Variants in EML4 observed in about 807,000 individuals in gnomAD.
The protein encoded by EML4 is EMAP like 4.
A neutral mutation model predicts 129.0 loss-of-function variants in EML4; 72 were observed. The observed-to-expected ratio is 0.56, with a 90% CI of 0.46 to 0.68. EML4 has a LOEUF of 0.68. Among genes scored for constraint, EML4 ranks in the 30% least tolerant of loss-of-function variants. EML4 has a pLI of 0.00. For missense variants in EML4, 1,363 were observed against 1,190.6 expected, an observed-to-expected ratio of 1.14 and a Z score of -2.13; for synonymous variants, 532 against 405.0, an observed-to-expected ratio of 1.31 and a Z score of -3.77.
chr2:42,268,488 G>C (rs1279702867), intron 6 of EML4, among the ~76,000 whole-genome samples: 1 of 151,934 alleles, frequency 6.6e-6, no homozygotes, highest in African/African-American at 2.4e-5. Flanking sequence ...ACCGAGGCTG[G>C]AGTTCAGTGC....
Position 42,239,770 on chromosome 2 carries a change from C to T in EML4, c.26-5735C>T, listed in dbSNP as rs562248616. On this transcript the variant is annotated intron_variant, in intron 1 of 22. Coordinates refer to ENST00000318522, the MANE Select transcript of EML4 (RefSeq NM_019063.5). ...TACTCCTACTCTATAATAAAGGCGG[C>T]GGGGGGTGGGGTGTAAGGAAAATGA... Among the ~76,000 whole-genome samples, 127 of 28,228 alleles carry T rather than the reference C, an allele frequency of 4.5e-3. 1 individual carries two copies. Among genetic ancestry groups the T allele is most frequent in the African/African-American group, 0.017 (122 of 7,094 alleles). 18.5% of individuals were successfully genotyped at this position (28,228 alleles called of 152,430 possible).
At chr2:42,243,081 A>G (rs1461510709) in intron 1 of EML4, among the ~76,000 whole-genome samples, 2 of 152,096 alleles carry the variant, frequency 1.3e-5, no homozygotes, top group East Asian at 1.9e-4. Flanking sequence ...TCCAGCTGAA[A>G]TTTCTAGTAG....
intron 6 of EML4, among the ~76,000 whole-genome samples, chr2:42,274,633 A>C (rs948410456): frequency 6.6e-6 from 1 of 152,190 alleles, no homozygotes; most frequent in Non-Finnish European, 1.5e-5. Flanking sequence ...TACTTTAAAA[A>C]CCATTATTTA....
intron 1 of EML4, among the ~76,000 whole-genome samples, chr2:42,229,414 G>A (rs921258944): frequency 3.9e-5 from 6 of 152,138 alleles, no homozygotes; most frequent in African/African-American, 1.4e-4. Flanking sequence ...GTGCTCTTAA[G>A]CACCATATGC....
In EML4 at chr2:42,330,052, G is replaced by A. The variant is rs1433049809; in HGVS notation, c.2791G>A (p.Val931Met). 3.1e-6 allele frequency: 5 copies of A among 1,613,328 alleles called. No individual in the cohort carries two copies. The highest frequency in any genetic ancestry group is 3.4e-6 in the Non-Finnish European group (4 of 1,179,940). The change falls in exon 23 of 23, where the codon GTG becomes ATG. Residue 931 changes from valine (V) to methionine (M), a missense_variant. Val to Met is a conservative substitution (Grantham distance 21). Coordinates refer to ENST00000318522, the MANE Select transcript of EML4 (RefSeq NM_019063.5). ...TCTGGAGAACAGCCTGGAACAAACT[G>A]TGGAGCCAAGTGAAGACCACAGCGA... ...TLLENSLEQT[V>M]EPSEDHSEEE...
In EML4 at chr2:42,317,569, T is replaced by C. The variant is rs903914702; in HGVS notation, c.2154+45T>C. The C allele has an allele frequency of 2.1e-6, 3 of 1,410,592 alleles. No homozygotes were observed. The Admixed American group carries it at 5.9e-5, about 28-fold the overall frequency. The allele number at this position is 1,410,592 out of a possible 1,614,324, so 87.4% of individuals were successfully genotyped here. ...AAGTTGTAAAATTATTGGGAAATTTTACTTCCGTTAAAAACAAATTTTTAC... is the reference window on the plus strand; with the variant it reads ...AAGTTGTAAAATTATTGGGAAATTTCACTTCCGTTAAAAACAAATTTTTAC... On this transcript the variant is annotated intron_variant, in intron 19 of 22. Transcript: ENST00000318522.
rs185671284 is a variant in EML4 at position 42,216,298 on chromosome 2, A to G, written c.26-29207A>G. On this transcript the variant is annotated intron_variant, in intron 1 of 22. Transcript: ENST00000318522. ...TGCTCTGTCACCCAGGCTGGAGTGC[A>G]GTGGCGCGATCTTGGCTCACTGCAA... Among the ~76,000 whole-genome samples, 353 of 118,206 alleles carry G rather than the reference A, an allele frequency of 3.0e-3. 2 individuals are homozygous for G. The highest frequency in any genetic ancestry group is 1.0e-2 in the African/African-American group (295 of 29,618). The allele number at this position is 118,206 out of a possible 152,430, so 77.5% of individuals were successfully genotyped here.
intron 1 of EML4, among the ~76,000 whole-genome samples, chr2:42,180,903 C>T (rs915224821): frequency 6.6e-6 from 1 of 152,150 alleles, no homozygotes; most frequent in African/African-American, 2.4e-5. Flanking sequence ...GTTTTGTCAC[C>T]TTGACACTTT....
intron 1 of EML4, among the ~76,000 whole-genome samples, chr2:42,224,947 C>T (rs1268980604): frequency 6.6e-6 from 1 of 152,034 alleles, no homozygotes; most frequent in Admixed American, 6.5e-5. Context: ...CCTCTATTCT[C>T]TCTTCTGTTT....
chr2:42,278,298 T>C (rs1464478244), intron 6 of EML4, among the ~76,000 whole-genome samples: 1 of 152,080 alleles, frequency 6.6e-6, no homozygotes, highest in Non-Finnish European at 1.5e-5. Context: ...TGCGGCCGCA[T>C]GCGGTGGCTC....
intron 1 of EML4, chr2:42,170,098 T>C (rs1329780926): frequency 6.4e-6 from 1 of 155,330 alleles, no homozygotes; most frequent in Non-Finnish European, 1.4e-5. Context: ...AGGCTCCTTT[T>C]TAGGGGAGGG....
chr2:42,290,319 G>A (rs900441398), intron 11 of EML4, among the ~76,000 whole-genome samples: 18 of 152,048 alleles, frequency 1.2e-4, no homozygotes, highest in Non-Finnish European at 2.5e-4. Flanking sequence ...GATTTGGGGA[G>A]TTGATATATA....
chr2:42,276,216 C>T (rs35100043), intron 6 of EML4, among the ~76,000 whole-genome samples: 34,539 of 151,960 alleles, frequency 0.23, 4,752 homozygotes, highest in East Asian at 0.56. Context: ...TATGATGTTT[C>T]CCCTTTTTTG....
At chr2:42,304,662 A>G (rs1668492139) in intron 17 of EML4, 111 bp downstream of exon 17, 3 of 826,264 alleles carry the variant, frequency 3.6e-6, no homozygotes, top group African/African-American at 3.4e-5. Flanking sequence ...GCACACTAAT[A>G]TGCTTGTTGT....
chr2:42,307,144 A>G (rs191277644), intron 17 of EML4, among the ~76,000 whole-genome samples: 224 of 152,346 alleles, frequency 1.5e-3, no homozygotes, highest in African/African-American at 5.2e-3. Flanking sequence ...GGTTGAAGAA[A>G]ACACTGTGTG....
At chr2:42,254,751 T>C (rs1364307375) in intron 2 of EML4, among the ~76,000 whole-genome samples, 1 of 151,970 alleles carries the variant, frequency 6.6e-6, no homozygotes, top group Non-Finnish European at 1.5e-5. Context: ...AAGTTGAACA[T>C]ACAACAACCG....
At chr2:42,244,327 G>T (rs550102331) in intron 1 of EML4, among the ~76,000 whole-genome samples, 1 of 152,114 alleles carries the variant, frequency 6.6e-6, no homozygotes, top group South Asian at 2.1e-4. Context: ...TCGATCTCCT[G>T]ACCTCATGAT....
chr2:42,212,223 C>G (rs1289426315), intron 1 of EML4, among the ~76,000 whole-genome samples: 2 of 152,130 alleles, frequency 1.3e-5, no homozygotes, highest in Non-Finnish European at 2.9e-5. Flanking sequence ...TGGAGACTTT[C>G]TGATCATCTG....
intron 8 of EML4, among the ~76,000 whole-genome samples, chr2:42,283,688 T>C (rs72972021): frequency 0.11 from 16,557 of 152,122 alleles, 2,936 homozygotes; most frequent in African/African-American, 0.37. Flanking sequence ...TATTGAACTT[T>C]TGGAGTTGAT....
Sources: gnomAD v4.1 joint callset for allele counts (sites outside exome capture counted in the v4.1 genomes callset) on GRCh38, gnomAD v4.1.1 for gene constraint, MANE v1.5 for transcripts, NCBI Gene and HGNC (gene_info 2026-07-23, HGNC 2026-07-21) for gene names.